The following PHACTR3 variants were observed in gnomAD, a reference collection of about 807,000 sequenced individuals.
PHACTR3 encodes protein phosphatase 1, regulatory subunit 123.
PHACTR3 carries 16 observed loss-of-function variants against 66.8 expected under a neutral mutation model. The observed-to-expected ratio is 0.24, with a 90% CI of 0.16 to 0.36. The LOEUF (loss-of-function observed/expected upper bound fraction) is 0.36. Ranked by LOEUF, PHACTR3 falls within the 10% of genes least tolerant of loss-of-function variation. The pLI, the probability that PHACTR3 is intolerant of heterozygous loss-of-function variation, is 1.00. For synonymous variants in PHACTR3, 323 were observed against 292.1 expected, an observed-to-expected ratio of 1.11 and a Z score of -1.08; for missense variants, 647 against 719.9, an observed-to-expected ratio of 0.90 and a Z score of 1.16.
At chr20:59,674,751 G>C (rs1449829883) in intron 1 of PHACTR3, among the ~76,000 whole-genome samples, 2 of 54,460 alleles carry the variant, frequency 3.7e-5, no homozygotes, top group African/African-American at 1.7e-4. Flanking sequence ...CCCTTCTCTG[G>C]TTCCCTCCTT....
chr20:59,592,054 C>G (rs988509428), intron 1 of PHACTR3, among the ~76,000 whole-genome samples: 2 of 152,078 alleles, frequency 1.3e-5, no homozygotes, highest in Non-Finnish European at 2.9e-5. Flanking sequence ...TACACACACA[C>G]AGACACAACA....
chr20:59,783,246 T>C (rs1044461662), intron 7 of PHACTR3, among the ~76,000 whole-genome samples: 1 of 152,278 alleles, frequency 6.6e-6, no homozygotes, highest in African/African-American at 2.4e-5. Context: ...CAGATGGCGC[T>C]GGAGATGCTC....
intron 8 of PHACTR3, chr20:59,836,166 G>A (rs1160248021): frequency 4.7e-6 from 1 of 211,936 alleles, no homozygotes; most frequent in East Asian, 1.2e-4. Context: ...AGAATTTCCT[G>A]AACAGATCTC....
At chr20:59,807,551 T>A (rs375731190) in intron 8 of PHACTR3, among the ~76,000 whole-genome samples, 20 of 152,350 alleles carry the variant, frequency 1.3e-4, no homozygotes, top group Middle Eastern at 6.8e-3. Flanking sequence ...AAAATTATAG[T>A]GACTACATAC....
intron 1 of PHACTR3, among the ~76,000 whole-genome samples, chr20:59,680,546 G>T (rs1265919925): frequency 6.6e-6 from 1 of 152,148 alleles, no homozygotes; most frequent in East Asian, 1.9e-4. Context: ...CCCTCACCTG[G>T]CAACCTTCAT....
intron 1 of PHACTR3, among the ~76,000 whole-genome samples, chr20:59,663,391 A>G (rs544700061): frequency 6.6e-6 from 1 of 152,354 alleles, no homozygotes; most frequent in East Asian, 1.9e-4. Context: ...CGACGCCAGC[A>G]GAAGGACATC....
chr20:59,838,494 G>T (rs2059003825), intron 9 of PHACTR3, among the ~76,000 whole-genome samples: 1 of 152,176 alleles, frequency 6.6e-6, no homozygotes, highest in Non-Finnish European at 1.5e-5. Context: ...CCTTTATATG[G>T]TGATGGTAAT....
chr20:59,645,827 CCT>C (rs1477140218), intron 1 of PHACTR3, among the ~76,000 whole-genome samples: 12 of 152,092 alleles, frequency 7.9e-5, no homozygotes, highest in Admixed American at 6.6e-4. Flanking sequence ...TAGCTCAGTG[CCT>C]GGCACATCAT....
intron 1 of PHACTR3, among the ~76,000 whole-genome samples, chr20:59,619,526 A>G (rs1464320958): frequency 1.3e-5 from 2 of 152,004 alleles, no homozygotes; most frequent in Non-Finnish European, 2.9e-5. Flanking sequence ...AAGGCACCCC[A>G]CTGCTACACT....
Position 59,686,783 on chromosome 20 carries a change from T to C in PHACTR3, c.119-56324T>C, listed in dbSNP as rs1453698260. On this transcript the variant is annotated intron_variant, in intron 1 of 12. Transcript: ENST00000371015. ...GTGATGATGATGGTGATGATGATGG[T>C]GATGATGATGGTGGTGATGATTGTG... 1.3e-5 allele frequency among the ~76,000 whole-genome samples: 2 copies of C among 150,656 alleles called. 1 individual carries two copies. The highest frequency in any genetic ancestry group is 3.0e-5 in the Non-Finnish European group (2 of 67,752).
At chr20:59,683,370 C>T (rs543649984) in intron 1 of PHACTR3, among the ~76,000 whole-genome samples, 1 of 152,122 alleles carries the variant, frequency 6.6e-6, no homozygotes, top group Non-Finnish European at 1.5e-5. Flanking sequence ...GCTGTGCATT[C>T]GGGAGGCCGC....
At chr20:59,722,250 A>C (rs2038341022) in intron 1 of PHACTR3, among the ~76,000 whole-genome samples, 1 of 138,594 alleles carries the variant, frequency 7.2e-6, no homozygotes, top group Non-Finnish European at 1.6e-5. Flanking sequence ...AAGTAAAACA[A>C]GGTGGCACCT....
intron 7 of PHACTR3, among the ~76,000 whole-genome samples, chr20:59,796,233 C>G (rs1382860948): frequency 2.0e-5 from 3 of 152,078 alleles, no homozygotes; most frequent in Admixed American, 2.0e-4. Flanking sequence ...TACAAATACT[C>G]TAGACTTTTA....
intron 7 of PHACTR3, among the ~76,000 whole-genome samples, chr20:59,780,890 G>A (rs190530694): frequency 4.6e-5 from 7 of 152,336 alleles, no homozygotes; most frequent in South Asian, 2.1e-4. Context: ...GGTGCTCACC[G>A]AAGTATAGCT....
rs6100572 is a variant in PHACTR3 at position 59,738,544 on chromosome 20, G to T, written c.119-4563G>T. Among the ~76,000 whole-genome samples the T allele has an allele frequency of 7.2e-5, 11 of 152,146 alleles. No homozygotes were observed. The highest frequency in any genetic ancestry group is 2.0e-4 in the Admixed American group (3 of 15,294). On this transcript the variant is annotated intron_variant, in intron 1 of 12. Transcript: ENST00000371015. This position sits in a 1 kb window ranked among gnomAD's most constrained non-coding sequence, Gnocchi z 4.4. ...GGTGGCAAAGAAAGTTGGGTTCAGG[G>T]TCTGATCTGTAGTTTATTCTGTGTG...
intron 1 of PHACTR3, among the ~76,000 whole-genome samples, chr20:59,623,287 C>T (rs2034326918): frequency 6.6e-6 from 1 of 152,054 alleles, no homozygotes; most frequent in Non-Finnish European, 1.5e-5. Flanking sequence ...GACCTTCCAG[C>T]TGTCTGCTTC....
rs1216538899 is a variant in PHACTR3 at position 59,829,937 on chromosome 20, T to C, written c.1329-6568T>C. On this transcript the variant is annotated intron_variant, in intron 8 of 12. Coordinates refer to ENST00000371015, the MANE Select transcript of PHACTR3 (RefSeq NM_080672.5). The surrounding 1 kb of genome is among the most constrained non-coding windows in gnomAD (Gnocchi z 4.2). ...TGGGGCTTCATTGGGGAAGCAAAGC[T>C]TGGGGAGCTGGAACTATGCTTCTCC... Among the ~76,000 whole-genome samples the C allele has an allele frequency of 6.6e-6, 1 of 152,186 alleles. No individual in the cohort carries two copies. The highest frequency in any genetic ancestry group is 2.4e-5 in the African/African-American group (1 of 41,448).
intron 1 of PHACTR3, among the ~76,000 whole-genome samples, chr20:59,646,934 C>T (rs1212184283): frequency 6.6e-6 from 1 of 152,170 alleles, no homozygotes; most frequent in East Asian, 1.9e-4. Context: ...TGGGACCAGG[C>T]AGGGCTCATT....
chr20:59,661,965 G>T (rs1305884696), intron 1 of PHACTR3, among the ~76,000 whole-genome samples: 5 of 152,076 alleles, frequency 3.3e-5, no homozygotes, highest in Admixed American at 3.3e-4. Context: ...AGTTTCTCTT[G>T]GCCCCTGTGA....
Sources: allele counts gnomAD v4.1 joint callset (sites outside exome capture counted in the v4.1 genomes callset), GRCh38; gene constraint gnomAD v4.1.1; non-coding constraint Gnocchi (gnomAD v3.1); transcripts MANE v1.5; gene names NCBI Gene and HGNC (gene_info 2026-07-23, HGNC 2026-07-21).